Variants in PKIA observed in about 807,000 individuals in gnomAD.
PKIA encodes cAMP-dependent protein kinase inhibitor alpha, also known as PKI-alpha.
Under a neutral mutation model 7.6 loss-of-function variants are expected in PKIA, and 4 were observed. That is an observed-to-expected ratio of 0.52 (90% CI 0.26 to 1.20). PKIA has a LOEUF of 1.20. PKIA is among the 50% of genes most tolerant of loss of function. PKIA has a pLI of 0.13. For missense variants in PKIA, 73 were observed against 86.2 expected, an observed-to-expected ratio of 0.85 and a Z score of 0.61; for synonymous variants, 21 against 30.7, an observed-to-expected ratio of 0.68 and a Z score of 1.04.
intron 2 of PKIA, among the ~76,000 whole-genome samples, chr8:78,577,265 T>C (rs1807696559): frequency 1.3e-5 from 2 of 151,870 alleles, no homozygotes; most frequent in Admixed American, 6.6e-5. Flanking sequence ...AACCATATGT[T>C]CTCACTTACA....
At chr8:78,522,408 C>T (rs770038151) in intron 1 of PKIA, among the ~76,000 whole-genome samples, 1 of 151,676 alleles carries the variant, frequency 6.6e-6, no homozygotes, top group Non-Finnish European at 1.5e-5. Flanking sequence ...GAGATTATGC[C>T]CAGATATTTA....
chr8:78,551,697 G>C (rs1463117061), intron 1 of PKIA, among the ~76,000 whole-genome samples: 1 of 151,920 alleles, frequency 6.6e-6, no homozygotes, highest in Admixed American at 6.6e-5. Flanking sequence ...ACATCTGAAG[G>C]GAGTGTCAAC....
At position 78,602,694 on chromosome 8, in the gene PKIA, A is replaced by ATATATATATAT. The variant is rs1563597433; in HGVS notation, c.*873_*874insTATATATATAT. 1,403 of 136,956 alleles carry ATATATATATAT rather than the reference A, an allele frequency of 0.01. 17 individuals are homozygous for ATATATATATAT. Among genetic ancestry groups the ATATATATATAT allele is most frequent in the Non-Finnish European group, 0.017 (1,110 of 63,554 alleles). 8.5% of individuals were successfully genotyped at this position (136,956 alleles called of 1,614,324 possible). A position where few individuals can be genotyped will look rare whatever the true frequency, so the allele number is the denominator to read the frequency against. ...CTCAAGTGGAGAACTTCTCCCACAT[A>ATATATATATAT]ATATATATATATATATATATTTTAA... On this transcript the variant is annotated 3_prime_UTR_variant, in exon 4 of 4. Coordinates refer to ENST00000396418, the MANE Select transcript of PKIA (RefSeq NM_006823.4).
At chr8:78,582,558 G>A (rs947723937) in intron 2 of PKIA, among the ~76,000 whole-genome samples, 4 of 152,026 alleles carry the variant, frequency 2.6e-5, no homozygotes, top group African/African-American at 9.7e-5. Context: ...ATTTGGGTGG[G>A]AACACAAAGC....
intron 1 of PKIA, among the ~76,000 whole-genome samples, chr8:78,533,622 T>C (rs1272469412): frequency 2.6e-5 from 4 of 152,028 alleles, no homozygotes; most frequent in Non-Finnish European, 5.9e-5. Context: ...TTTAGAAGAC[T>C]GAGATGGAGG....
intron 1 of PKIA, among the ~76,000 whole-genome samples, chr8:78,524,226 T>TTATA (rs199509658): frequency 7.2e-6 from 1 of 138,018 alleles, no homozygotes; most frequent in African/African-American, 2.9e-5. Flanking sequence ...ACATTTATAT[T>TTATA]TATATATAAA....
intron 2 of PKIA, among the ~76,000 whole-genome samples, chr8:78,587,328 T>C (rs977418001): frequency 6.6e-6 from 1 of 152,194 alleles, no homozygotes; most frequent in African/African-American, 2.4e-5. Flanking sequence ...CCCAGGCCCT[T>C]AATGCTTTTG....
intron 2 of PKIA, among the ~76,000 whole-genome samples, chr8:78,580,450 C>G (rs1374929587): frequency 3.9e-5 from 6 of 151,990 alleles, no homozygotes; most frequent in Non-Finnish European, 8.8e-5. Flanking sequence ...TTCGATGAGG[C>G]CTAGTAAGCC....
At chr8:78,560,393 T>C in intron 1 of PKIA, among the ~76,000 whole-genome samples, 1 of 152,164 alleles carries the variant, frequency 6.6e-6, no homozygotes. Flanking sequence ...AAGAAAACGT[T>C]TTTCTATTCA....
At chr8:78,574,765 T>C (rs1807634708) in intron 2 of PKIA, among the ~76,000 whole-genome samples, 1 of 152,032 alleles carries the variant, frequency 6.6e-6, no homozygotes. Flanking sequence ...TTTTTGTCTT[T>C]GTATGTACTT....
rs1808374484 is a variant in PKIA, at chr8:78,602,598, G to A, written c.*777G>A. 1 of 151,792 alleles carries A rather than the reference G, an allele frequency of 6.6e-6. No individual in the cohort carries two copies. Among genetic ancestry groups the A allele is most frequent in the Non-Finnish European group, 1.5e-5 (1 of 67,834 alleles). The allele number at this position is 151,792 out of a possible 1,614,324, so 9.4% of individuals were successfully genotyped here. ...GACATTTGAAAATATCCATTAATGT[G>A]AATATCACCTGAATTCAGTCTGTTT... On this transcript the variant is annotated 3_prime_UTR_variant, in exon 4 of 4. Coordinates refer to ENST00000396418, the MANE Select transcript of PKIA (RefSeq NM_006823.4).
intron 1 of PKIA, among the ~76,000 whole-genome samples, chr8:78,547,339 G>A (rs1427976009): frequency 3.9e-5 from 6 of 151,992 alleles, no homozygotes; most frequent in South Asian, 2.1e-4. Context: ...TCTTGACCTC[G>A]TGATCCACCC....
At chr8:78,540,851 T>G (rs1182104882) in intron 1 of PKIA, among the ~76,000 whole-genome samples, 2 of 152,078 alleles carry the variant, frequency 1.3e-5, no homozygotes, top group African/African-American at 4.8e-5. Flanking sequence ...AAATTAGTTT[T>G]CTTCCCAAAG....
chr8:78,534,721 C>T (rs1402408824), intron 1 of PKIA: 3 of 152,076 alleles, frequency 2.0e-5, no homozygotes, highest in Non-Finnish European at 4.4e-5. Flanking sequence ...CCAGAAATAA[C>T]AGGGAGTTAA....
rs139407099 is a variant in PKIA at position 78,522,104 on chromosome 8, T to C, written c.-157+5636T>C. On this transcript the variant is annotated intron_variant, in intron 1 of 3. Transcript: ENST00000396418. The stretch of plus-strand genomic sequence containing the variant: ...TGAATACTATTTCATTGTATGTATA[T>C]AACACATATGGTAATTTTGAATTGC... Among the ~76,000 whole-genome samples the C allele has an allele frequency of 2.3e-3, 356 of 152,096 alleles. 3 individuals are homozygous for C. The highest frequency in any genetic ancestry group is 6.4e-3 in the African/African-American group (266 of 41,556).
rs139413609 is a variant in PKIA at position 78,583,460 on chromosome 8, C to CT, written c.-28+10525dup. 3.7e-3 allele frequency among the ~76,000 whole-genome samples: 570 copies of CT among 152,200 alleles called. 5 individuals carry two copies. Among genetic ancestry groups the CT allele is most frequent in the African/African-American group, 0.013 (524 of 41,532 alleles). On this transcript the variant is annotated intron_variant, in intron 2 of 3. Coordinates refer to ENST00000396418, the MANE Select transcript of PKIA (RefSeq NM_006823.4). ...TTCCTTCTATGCCTCATCCCTCTTGCTTTTGTGAGAGGCATAATAGCATTA... is the reference window on the plus strand; with the variant it reads ...TTCCTTCTATGCCTCATCCCTCTTGCTTTTTGTGAGAGGCATAATAGCATTA...
chr8:78,600,427 C>T (rs1329295745), intron 3 of PKIA, among the ~76,000 whole-genome samples: 1 of 152,084 alleles, frequency 6.6e-6, no homozygotes, highest in Non-Finnish European at 1.5e-5. Flanking sequence ...ATGCTAAGCC[C>T]TGAGAAGTGT....
intron 2 of PKIA, among the ~76,000 whole-genome samples, chr8:78,590,068 T>G (rs1454696747): frequency 2.0e-5 from 3 of 152,142 alleles, no homozygotes; most frequent in African/African-American, 7.2e-5. Flanking sequence ...CTTTTGCCAA[T>G]GAAAAAATCT....
intron 2 of PKIA, among the ~76,000 whole-genome samples, chr8:78,577,293 G>A (rs1807697061): frequency 6.6e-6 from 1 of 151,796 alleles, no homozygotes; most frequent in Non-Finnish European, 1.5e-5. Flanking sequence ...GCTAAATGAT[G>A]AGAATTCCTG....
Sources: gnomAD v4.1 joint callset for allele counts (sites outside exome capture counted in the v4.1 genomes callset) on GRCh38, gnomAD v4.1.1 for gene constraint, MANE v1.5 for transcripts, NCBI Gene and HGNC (gene_info 2026-07-23, HGNC 2026-07-21) for gene names.